Variants in NTM observed in about 807,000 individuals in gnomAD.
The protein encoded by NTM is IgLON family member 2.
In NTM, 13 loss-of-function variants were observed where a neutral mutation model predicts 42.1. The observed-to-expected ratio is 0.31, with a 90% CI of 0.20 to 0.49. The LOEUF is 0.49. Ranked by LOEUF, NTM falls within the 20% of genes least tolerant of loss-of-function variation. NTM has a pLI of 0.99. For synonymous variants in NTM, 187 were observed against 179.2 expected, an observed-to-expected ratio of 1.04 and a Z score of -0.35; for missense variants, 373 against 452.8, an observed-to-expected ratio of 0.82 and a Z score of 1.60.
At chr11:132,327,547 C>T (rs914028498) in intron 7 of NTM, among the ~76,000 whole-genome samples, 1 of 152,204 alleles carries the variant, frequency 6.6e-6, no homozygotes, top group Non-Finnish European at 1.5e-5. Flanking sequence ...AAAATTCCCT[C>T]ACCCTCTTGC....
chr11:131,876,777 G>T (rs190677884), intron 1 of NTM, among the ~76,000 whole-genome samples: 83 of 152,160 alleles, frequency 5.5e-4, no homozygotes, highest in African/African-American at 1.5e-3. Context: ...TAGAACCGTA[G>T]TGCAAAATGT....
chr11:132,121,735 C>A (rs529718683), intron 2 of NTM, among the ~76,000 whole-genome samples: 4 of 152,314 alleles, frequency 2.6e-5, no homozygotes, highest in East Asian at 1.9e-4. Context: ...TTCCTCCCCC[C>A]TCTCTCGAAC....
intron 1 of NTM, among the ~76,000 whole-genome samples, chr11:131,878,864 G>A (rs1214174521): frequency 6.6e-6 from 1 of 151,790 alleles, no homozygotes; most frequent in Non-Finnish European, 1.5e-5. Flanking sequence ...GAGAGGGGAA[G>A]ATCTTTGCCT....
intron 3 of NTM, among the ~76,000 whole-genome samples, chr11:132,158,070 T>C (rs1331455040): frequency 3.3e-5 from 5 of 152,212 alleles, no homozygotes; most frequent in African/African-American, 1.2e-4. Context: ...AGCGAAAGCA[T>C]TTCTGTGCAG....
At chr11:132,314,976 A>G in intron 7 of NTM, 2 of 1,188,390 alleles carry the variant, frequency 1.7e-6, no homozygotes, top group Non-Finnish European at 2.1e-6. Flanking sequence ...TAGATCTCAG[A>G]AGTGGGAAAA....
At chr11:131,547,035 T>A (rs891017059) in intron 1 of NTM, among the ~76,000 whole-genome samples, 1 of 152,162 alleles carries the variant, frequency 6.6e-6, no homozygotes, top group East Asian at 1.9e-4. Context: ...AAGCCCTCTG[T>A]GGTGACCAGA....
intron 4 of NTM, among the ~76,000 whole-genome samples, chr11:132,215,515 T>C (rs763267925): frequency 3.3e-5 from 5 of 152,152 alleles, no homozygotes; most frequent in African/African-American, 4.8e-5. Flanking sequence ...CACTTTGATA[T>C]AGGGGCAGCT....
intron 2 of NTM, among the ~76,000 whole-genome samples, chr11:131,967,559 G>C (rs1380325308): frequency 6.6e-6 from 1 of 152,152 alleles, no homozygotes; most frequent in African/African-American, 2.4e-5. Flanking sequence ...TAATGGGCCA[G>C]GGAGGAGCAA....
chr11:132,329,399 C>A (rs535028533), intron 7 of NTM, among the ~76,000 whole-genome samples: 3 of 152,336 alleles, frequency 2.0e-5, no homozygotes, highest in African/African-American at 7.2e-5. Context: ...GAAATGGAGA[C>A]CTTTCACAGC....
chr11:131,674,739 C>T (rs2071061040), intron 1 of NTM, among the ~76,000 whole-genome samples: 1 of 152,134 alleles, frequency 6.6e-6, no homozygotes, highest in Admixed American at 6.5e-5. Context: ...TGTCTGGTTA[C>T]CTGTAATGCT....
At position 131,392,520 on chromosome 11, in the gene NTM, A is replaced by T. The variant is rs1045381055; in HGVS notation, c.82+21632A>T. 4.6e-5 allele frequency among the ~76,000 whole-genome samples: 7 copies of T among 152,232 alleles called. 1 individual carries two copies. Among genetic ancestry groups the T allele is most frequent in the Admixed American group, 3.9e-4 (6 of 15,284 alleles). On this transcript the variant is annotated intron_variant, in intron 1 of 8. Transcript: ENST00000683400. ...AGACCTGCACAGACCTCCCTGGCTC[A>T]TGGGTGAGGGTAGGGGAGAGAGAAG...
At chr11:131,767,849 C>T (rs1392826762) in intron 1 of NTM, among the ~76,000 whole-genome samples, 1 of 152,048 alleles carries the variant, frequency 6.6e-6, no homozygotes, top group Non-Finnish European at 1.5e-5. Context: ...ATGAGACATC[C>T]AAGCGAGGAG....
intron 1 of NTM, among the ~76,000 whole-genome samples, chr11:131,380,566 T>C (rs917038336): frequency 2.0e-5 from 3 of 152,134 alleles, no homozygotes; most frequent in Admixed American, 6.5e-5. Flanking sequence ...ACCTTTACTG[T>C]TCATATCCAC....
intron 2 of NTM, among the ~76,000 whole-genome samples, chr11:132,006,890 T>A (rs1489487424): frequency 1.3e-5 from 2 of 152,202 alleles, no homozygotes; most frequent in Admixed American, 1.3e-4. Flanking sequence ...GGATTGTACT[T>A]CCTCCTTTGT....
intron 2 of NTM, among the ~76,000 whole-genome samples, chr11:131,944,465 C>A (rs2060140588): frequency 6.6e-6 from 1 of 152,332 alleles, no homozygotes; most frequent in South Asian, 2.1e-4. Flanking sequence ...CAGCTCATCT[C>A]AGCCTTGCTT....
chr11:131,686,487 C>T (rs1007827667), intron 1 of NTM, among the ~76,000 whole-genome samples: 1 of 152,126 alleles, frequency 6.6e-6, no homozygotes, highest in African/African-American at 2.4e-5. Context: ...TCTTCATCCT[C>T]GCCATGTTCA....
intron 3 of NTM, among the ~76,000 whole-genome samples, chr11:132,210,019 G>T (rs1281464163): frequency 6.6e-6 from 1 of 152,170 alleles, no homozygotes; most frequent in African/African-American, 2.4e-5. Flanking sequence ...AGTGAGTAAT[G>T]GTTCAAGTAG....
rs1555167732 is a variant in NTM, at chr11:131,890,160, C to CTCTCTCTA, written c.83-21397_83-21396insATCTCTCT. On this transcript the variant is annotated intron_variant, in intron 1 of 8. Transcript: ENST00000683400. ...TCCCTCTCTCTCTCTCTCTCTGTCT[C>CTCTCTCTA]TCTCTCTCTCTCTCTCTGTCTCTCT... Among the ~76,000 whole-genome samples, 472 of 148,334 alleles carry CTCTCTCTA rather than the reference C, an allele frequency of 3.2e-3. 6 individuals are homozygous for CTCTCTCTA. The highest frequency in any genetic ancestry group is 0.011 in the African/African-American group (434 of 39,688).
chr11:132,238,123 T>C (rs555198898), intron 4 of NTM, among the ~76,000 whole-genome samples: 2 of 152,268 alleles, frequency 1.3e-5, no homozygotes, highest in East Asian at 3.9e-4. Context: ...TGCACTCCAC[T>C]AAATCACTCT....
Sources: gnomAD v4.1 joint callset for allele counts (sites outside exome capture counted in the v4.1 genomes callset) on GRCh38, gnomAD v4.1.1 for gene constraint, MANE v1.5 for transcripts, NCBI Gene and HGNC (gene_info 2026-07-23, HGNC 2026-07-21) for gene names.